MRM1: variants seen among roughly 807,000 people sequenced by gnomAD.
MRM1 encodes the protein mitochondrial rRNA methyltransferase 1.
A neutral mutation model predicts 25.0 loss-of-function variants in MRM1; 24 were observed. That is an observed-to-expected ratio of 0.96 (90% CI 0.69 to 1.35). The LOEUF (loss-of-function observed/expected upper bound fraction) is 1.35. MRM1 is among the 40% of genes most tolerant of loss of function. The probability of loss-of-function intolerance (pLI) is 0.00; values close to 1 mark genes in which losing one functional copy is unlikely to be tolerated. For synonymous variants in MRM1, 188 were observed against 199.2 expected, an observed-to-expected ratio of 0.94 and a Z score of 0.47; for missense variants, 431 against 464.1, an observed-to-expected ratio of 0.93 and a Z score of 0.65.
downstream of MRM1, among the ~76,000 whole-genome samples, chr17:36,612,818 C>T (rs1457796021): frequency 1.3e-5 from 2 of 152,210 alleles, no homozygotes; most frequent in Non-Finnish European, 2.9e-5. Context: ...ATGTAAAACC[C>T]TCAGCCCCAT....
the MRM1 span, among the ~76,000 whole-genome samples, chr17:36,614,678 C>T: frequency 6.6e-6 from 1 of 152,280 alleles, no homozygotes; most frequent in East Asian, 1.9e-4. Flanking sequence ...GATGCTTGTC[C>T]TCTAGGACAT....
chr17:36,623,678 G>C, the MRM1 span, among the ~76,000 whole-genome samples: 2 of 152,186 alleles, frequency 1.3e-5, no homozygotes, highest in African/African-American at 2.4e-5. Flanking sequence ...GGGATGATGT[G>C]AACACCTTGC....
chr17:36,605,800 C>T (rs1378256202), intron 2 of MRM1, among the ~76,000 whole-genome samples: 1 of 152,032 alleles, frequency 6.6e-6, no homozygotes, highest in Non-Finnish European at 1.5e-5. Flanking sequence ...ACCATTTCTG[C>T]CTGTTTCCAC....
In MRM1 at chr17:36,608,539, T is replaced by TG. The variant is rs36120863; in HGVS notation, c.*135dup. 951 of 275,206 alleles carry TG rather than the reference T, an allele frequency of 3.5e-3. 4 individuals are homozygous for TG. Among genetic ancestry groups the TG allele is most frequent in the Admixed American group, 4.3e-3 (72 of 16,638 alleles). 17.0% of individuals were successfully genotyped at this position (275,206 alleles called of 1,614,324 possible). On this transcript the variant is annotated 3_prime_UTR_variant, in exon 5 of 5. Transcript: ENST00000614766. ...AGGCCCATGTTTATTGACCACAGTCTGGGGGGGGGGGAAGGGGACTGCGGT... is the reference window on the plus strand; with the variant it reads ...AGGCCCATGTTTATTGACCACAGTCTGGGGGGGGGGGGAAGGGGACTGCGGT...
rs2074881727 is a variant in MRM1 at position 36,602,238 on chromosome 17, C to T, written c.428C>T (p.Pro143Leu). The T allele has an allele frequency of 6.2e-7, 1 of 1,611,076 alleles. No individual in the cohort carries two copies. The highest frequency in any genetic ancestry group is 8.5e-7 in the Non-Finnish European group (1 of 1,178,394). ...GGGGAGGCGAGCCCAGGCGACGACC[C>T]CCAGCAGTTGTGGCTCGTCCTCGAT... is the stretch of plus-strand genomic sequence containing the variant. The part of the protein sequence containing the change: ...EAGEASPGDD[P>L]QQLWLVLDGI... The change falls in exon 1 of 5, where the codon CCC becomes CTC. Residue 143 changes from proline (P) to leucine (L), a missense_variant. Physicochemically the swap from Pro to Leu is moderately conservative, Grantham distance 98. Transcript: ENST00000614766. This position sits in a 1 kb window ranked among gnomAD's most constrained non-coding sequence, Gnocchi z 4.1.
chr17:36,608,503 G>C lies in MRM1; in HGVS notation c.*88G>C. On this transcript the variant is annotated 3_prime_UTR_variant, in exon 5 of 5. Transcript: ENST00000614766. ...TCCAGTGTGCGGGGAGCCTCTGCCTGAGTGTGCACCAGGCCCATGTTTATT... is the reference window on the plus strand; with the variant it reads ...TCCAGTGTGCGGGGAGCCTCTGCCTCAGTGTGCACCAGGCCCATGTTTATT... 2 of 880,608 alleles carry C rather than the reference G, an allele frequency of 2.3e-6. No individual in the cohort carries two copies. The highest frequency in any genetic ancestry group is 5.5e-5 in the South Asian group (2 of 36,306). 54.5% of individuals were successfully genotyped at this position (880,608 alleles called of 1,614,324 possible).
downstream of MRM1, among the ~76,000 whole-genome samples, chr17:36,610,416 T>A (rs1388761851): frequency 6.6e-6 from 1 of 152,068 alleles, no homozygotes; most frequent in Non-Finnish European, 1.5e-5. Context: ...GTGTTTTTCA[T>A]AGAGACGGGG....
chr17:36,607,820 C>T lies in MRM1; in HGVS notation c.769+18C>T, dbSNP rs189638961. 520 of 1,612,828 alleles carry T rather than the reference C, an allele frequency of 3.2e-4. 3 individuals are homozygous for T. In the East Asian group the frequency reaches 0.011, roughly 33 times the overall value. ...TGTGCTGGGTAGGTGGATGTCCCTG[C>T]GTTTGTGCCCAGATTACATTTCCCG... is the stretch of plus-strand genomic sequence containing the variant. On this transcript the variant is annotated intron_variant, in intron 3 of 4. Transcript: ENST00000614766.
Position 36,607,569 on chromosome 17 carries a change from G to T in MRM1, c.637-101G>T. The stretch of plus-strand genomic sequence containing the variant: ...ACCCAGGCGGTTGAGGCTGCGGTGA[G>T]CTGTGATCGTGCCACTGCACTCCAG... On this transcript the variant is annotated intron_variant, in intron 2 of 4. Coordinates refer to ENST00000614766, the MANE Select transcript of MRM1 (RefSeq NM_024864.5). 5 of 1,396,622 alleles carry T rather than the reference G, an allele frequency of 3.6e-6. 1 individual carries two copies. The South Asian group carries it at 5.5e-5, about 15-fold the overall frequency. The allele number at this position is 1,396,622 out of a possible 1,614,324, so 86.5% of individuals were successfully genotyped here.
chr17:36,621,715 CT>C, the MRM1 span, among the ~76,000 whole-genome samples: 1 of 152,224 alleles, frequency 6.6e-6, no homozygotes, highest in Non-Finnish European at 1.5e-5. Flanking sequence ...ACCCCTGCAG[CT>C]ACGCCGGGGA....
chr17:36,606,178 C>T (rs770629038), intron 2 of MRM1, among the ~76,000 whole-genome samples: 1 of 152,188 alleles, frequency 6.6e-6, no homozygotes, highest in Non-Finnish European at 1.5e-5. Flanking sequence ...CTGCACGGTG[C>T]TCCTCCTTCT....
At chr17:36,620,874 G>T in the MRM1 span, among the ~76,000 whole-genome samples, 2 of 152,166 alleles carry the variant, frequency 1.3e-5, no homozygotes, top group Admixed American at 1.3e-4. Context: ...TGGACTGGAA[G>T]AGAGGAAGAG....
chr17:36,625,438 TTTC>T, the MRM1 span, among the ~76,000 whole-genome samples: 2 of 147,744 alleles, frequency 1.4e-5, no homozygotes, highest in African/African-American at 2.5e-5. Flanking sequence ...TCCTTCTCCT[TTTC>T]TTCTTCTTCT....
At chr17:36,618,156 G>C in the MRM1 span, among the ~76,000 whole-genome samples, 1 of 152,016 alleles carries the variant, frequency 6.6e-6, no homozygotes, top group Non-Finnish European at 1.5e-5. Flanking sequence ...GGGAGTGTGA[G>C]TCCTTAAGGG....
At chr17:36,616,010 A>G in the MRM1 span, among the ~76,000 whole-genome samples, 1 of 151,968 alleles carries the variant, frequency 6.6e-6, no homozygotes, top group South Asian at 2.1e-4. Context: ...CAACAACAAC[A>G]ACAACAACGA....
At chr17:36,610,543 T>A (rs1226308585), downstream of MRM1, among the ~76,000 whole-genome samples, 1 of 151,548 alleles carries the variant, frequency 6.6e-6, no homozygotes. Flanking sequence ...AAGATCTTTT[T>A]AAAGTCAAAG....
At chr17:36,625,997 AC>A in the MRM1 span, among the ~76,000 whole-genome samples, 76 of 124,920 alleles carry the variant, frequency 6.1e-4, no homozygotes, top group Admixed American at 2.3e-3. Flanking sequence ...CCCCCCGCCG[AC>A]CCCCCAACCT....
the MRM1 span, among the ~76,000 whole-genome samples, chr17:36,615,158 C>T: frequency 6.6e-6 from 1 of 152,230 alleles, no homozygotes; most frequent in Admixed American, 6.5e-5. Flanking sequence ...CATGTGCCCT[C>T]TCGGTCACAG....
intron 2 of MRM1, among the ~76,000 whole-genome samples, chr17:36,605,723 C>T (rs953631266): frequency 2.6e-5 from 4 of 151,830 alleles, no homozygotes; most frequent in Non-Finnish European, 4.4e-5. Flanking sequence ...GGAGCAACTC[C>T]ATCCCTTTGG....
Sources: allele counts gnomAD v4.1 joint callset (sites outside exome capture counted in the v4.1 genomes callset), GRCh38; gene constraint gnomAD v4.1.1; non-coding constraint Gnocchi (gnomAD v3.1); transcripts MANE v1.5; gene names NCBI Gene and HGNC (gene_info 2026-07-23, HGNC 2026-07-21).